Variants in PPM1H observed in about 807,000 individuals in gnomAD.
The protein encoded by PPM1H is protein phosphatase, Mg2+/Mn2+ dependent 1H.
In PPM1H, 27 loss-of-function variants were observed where a neutral mutation model predicts 54.9. The ratio of observed to expected loss-of-function variants is 0.49; its 90% CI spans 0.36 to 0.68. The LOEUF is 0.68. PPM1H is among the 30% of genes least tolerant of loss of function. The pLI, the probability that PPM1H is intolerant of heterozygous loss-of-function variation, is 0.00. For missense variants in PPM1H, 596 were observed against 667.8 expected (o/e 0.89, Z 1.19); for synonymous variants, 305 against 270.8 (o/e 1.13, Z -1.24).
chr12:62,784,702 G>T (rs1284791572), intron 4 of PPM1H, among the ~76,000 whole-genome samples: 4 of 152,168 alleles, frequency 2.6e-5, no homozygotes, highest in Non-Finnish European at 4.4e-5. Context: ...CCACAGATAT[G>T]ATCAAAGCTC....
At chr12:62,830,867 C>T (rs2048273) in intron 2 of PPM1H, among the ~76,000 whole-genome samples, 46,351 of 151,908 alleles carry the variant, frequency 0.31, 9,303 homozygotes, top group African/African-American at 0.57. Flanking sequence ...TTCTTTTTCT[C>T]TTTTTGAGAT....
intron 6 of PPM1H, among the ~76,000 whole-genome samples, chr12:62,706,994 C>T (rs563462917): frequency 3.9e-5 from 6 of 152,162 alleles, no homozygotes; most frequent in Non-Finnish European, 5.9e-5. Context: ...TGAGCTTTGA[C>T]GTTCAAAGTG....
chr12:62,702,639 G>A (rs991037363), intron 6 of PPM1H, among the ~76,000 whole-genome samples: 1 of 151,848 alleles, frequency 6.6e-6, no homozygotes, highest in African/African-American at 2.4e-5. Flanking sequence ...AGTCATTTAA[G>A]AGGAACGAGA....
rs1366582006 is a variant in PPM1H, at chr12:62,838,336, TG to T, written c.246-6058del. ...GACAGTAAAATACAGTGTGTGTGTG[TG>T]TGGGGGGGGGGAGATGAATAACTTA... On this transcript the variant is annotated intron_variant, in intron 1 of 9. Coordinates refer to ENST00000228705, the MANE Select transcript of PPM1H (RefSeq NM_020700.2). Among the ~76,000 whole-genome samples the T allele has an allele frequency of 3.6e-4, 37 of 103,110 alleles. 1 individual carries two copies. The highest frequency in any genetic ancestry group is 1.7e-3 in the African/African-American group (36 of 21,280). The allele number at this position is 103,110 out of a possible 152,430, so 67.6% of individuals were successfully genotyped here.
intron 6 of PPM1H, among the ~76,000 whole-genome samples, chr12:62,710,462 G>A (rs1350879241): frequency 6.6e-6 from 1 of 151,470 alleles, no homozygotes; most frequent in Non-Finnish European, 1.5e-5. Context: ...AATCTGGGAG[G>A]CGGAGGTTGC....
chr12:62,801,340 C>T (rs1472655138), intron 3 of PPM1H, among the ~76,000 whole-genome samples: 1 of 151,254 alleles, frequency 6.6e-6, no homozygotes, highest in Non-Finnish European at 1.5e-5. Context: ...TTTTTTGAGA[C>T]GCAGTCTCGG....
chr12:62,683,967 G>C (rs940004126), intron 8 of PPM1H, among the ~76,000 whole-genome samples: 1 of 152,214 alleles, frequency 6.6e-6, no homozygotes, highest in Non-Finnish European at 1.5e-5. Flanking sequence ...GACTGGGACT[G>C]GGAGAATTGC....
Position 62,720,169 on chromosome 12 carries a change from A to G in PPM1H, c.1073+2T>C. ...CCGAGGCAGAGGAAGGCATGTTCTT[A>G]CCAGCCTGTCATATTAAAGTCCCTG... On this transcript the variant is annotated splice_donor_variant, in intron 6 of 9. Transcript: ENST00000228705. LOFTEE classifies it high-confidence loss of function. 1 of 1,589,150 alleles carries G rather than the reference A, an allele frequency of 6.3e-7. No individual in the cohort carries two copies. The highest frequency in any genetic ancestry group is 8.6e-7 in the Non-Finnish European group (1 of 1,157,360).
chr12:62,649,207 T>C (rs1317551229), intron 9 of PPM1H, among the ~76,000 whole-genome samples: 9 of 151,752 alleles, frequency 5.9e-5, no homozygotes, highest in African/African-American at 2.2e-4. Context: ...TTGGTTTTTT[T>C]TTTTAATTTA....
chr12:62,767,903 A>T (rs2076553779), intron 4 of PPM1H, among the ~76,000 whole-genome samples: 1 of 152,064 alleles, frequency 6.6e-6, no homozygotes, highest in Non-Finnish European at 1.5e-5. Context: ...TAACTGGGTC[A>T]TCTTCCCTGT....
At chr12:62,853,601 A>G (rs1169132078) in intron 1 of PPM1H, among the ~76,000 whole-genome samples, 2 of 152,198 alleles carry the variant, frequency 1.3e-5, no homozygotes, top group African/African-American at 4.8e-5. Flanking sequence ...GCCACGCAGA[A>G]CTGTGGCCAC....
intron 2 of PPM1H, among the ~76,000 whole-genome samples, chr12:62,831,807 A>ATATATGTG (rs1868365088): frequency 6.9e-6 from 1 of 145,542 alleles, no homozygotes; most frequent in Non-Finnish European, 1.6e-5. Context: ...ACACACACAT[A>ATATATGTG]TATATGTGTA....
chr12:62,897,155 C>T (rs2121101533), intron 1 of PPM1H, among the ~76,000 whole-genome samples: 1 of 151,696 alleles, frequency 6.6e-6, no homozygotes, highest in Middle Eastern at 3.4e-3. Context: ...ATGTAAATGA[C>T]GAGTTAATGG....
At chr12:62,649,583 G>C (rs2075805167) in intron 9 of PPM1H, among the ~76,000 whole-genome samples, 1 of 152,140 alleles carries the variant, frequency 6.6e-6, no homozygotes, top group Non-Finnish European at 1.5e-5. Context: ...CCACTGGCAG[G>C]GTCATATTTG....
chr12:62,682,737 C>T (rs1244799741), intron 8 of PPM1H, among the ~76,000 whole-genome samples: 1 of 152,154 alleles, frequency 6.6e-6, no homozygotes, highest in East Asian at 1.9e-4. Context: ...CTCCTAGGCT[C>T]AGGTGATCCT....
chr12:62,665,626 G>A (rs1049392823), intron 9 of PPM1H, among the ~76,000 whole-genome samples: 1 of 152,058 alleles, frequency 6.6e-6, no homozygotes, highest in Non-Finnish European at 1.5e-5. Context: ...GTTTAATTCA[G>A]TGAATTTTTA....
At chr12:62,912,954 C>A (rs888961267) in intron 1 of PPM1H, among the ~76,000 whole-genome samples, 1 of 152,154 alleles carries the variant, frequency 6.6e-6, no homozygotes, top group African/African-American at 2.4e-5. Context: ...ATGTCCTTTA[C>A]GGCTACTATA....
chr12:62,721,776 A>G (rs893585816), intron 5 of PPM1H, among the ~76,000 whole-genome samples: 1 of 152,188 alleles, frequency 6.6e-6, no homozygotes, highest in Non-Finnish European at 1.5e-5. Context: ...GAGATTAATT[A>G]TATATCCCAC....
chr12:62,885,766 G>T (rs1289627318), intron 1 of PPM1H, among the ~76,000 whole-genome samples: 1 of 152,172 alleles, frequency 6.6e-6, no homozygotes, highest in East Asian at 1.9e-4. Flanking sequence ...ATCTCAAACT[G>T]AAAAATTTTA....
Sources: gnomAD v4.1 joint callset for allele counts (sites outside exome capture counted in the v4.1 genomes callset) on GRCh38, gnomAD v4.1.1 for gene constraint, MANE v1.5 for transcripts, NCBI Gene and HGNC (gene_info 2026-07-23, HGNC 2026-07-21) for gene names.